DUSP22: variants seen among roughly 807,000 people sequenced by gnomAD.
DUSP22 encodes the protein dual specificity protein phosphatase 22.
In DUSP22, 24 loss-of-function variants were observed where a neutral mutation model predicts 24.5. That is an observed-to-expected ratio of 0.98 (90% CI 0.71 to 1.38). The LOEUF (loss-of-function observed/expected upper bound fraction) is 1.38. Ranked by LOEUF, DUSP22 falls within the 40% of genes most tolerant of loss-of-function variation. The pLI, the probability that DUSP22 is intolerant of heterozygous loss-of-function variation, is 0.00. For missense variants in DUSP22, 330 were observed against 269.2 expected (o/e 1.23, Z -1.58); for synonymous variants, 160 against 106.4 (o/e 1.50, Z -3.10).
At chr6:294,986 G>C (rs572159673) in intron 1 of DUSP22, among the ~76,000 whole-genome samples, 8 of 152,392 alleles carry the variant, frequency 5.2e-5, no homozygotes, top group African/African-American at 1.9e-4. Context: ...AGGTTCATTA[G>C]TGGCAAAGTA....
At position 311,888 on chromosome 6, in the gene DUSP22, G is replaced by A; in HGVS notation, c.64G>A (p.Asp22Asn). 1.2e-6 allele frequency: 2 copies of A among 1,612,094 alleles called. No individual in the cohort carries two copies. The highest frequency in any genetic ancestry group is 1.7e-6 in the Non-Finnish European group (2 of 1,178,804). Residue 22 changes from aspartate (D) to asparagine (N), a missense_variant, in exon 3 of 7, where the codon GAC becomes AAC. Coordinates refer to ENST00000419235, the MANE Select transcript of DUSP22 (RefSeq NM_001286555.3). The stretch of plus-strand genomic sequence containing the variant: ...CCTTTCTTCTCTGACAGATGCCAGA[G>A]ACGCGGAACAATTGAGCAAGAACAA... ...LYIGNFKDAR[D>N]AEQLSKNKVT... is the part of the protein sequence containing the mutation.
In DUSP22 at chr6:350,546, C is replaced by CA; in HGVS notation, c.*1598dup. On this transcript the variant is annotated 3_prime_UTR_variant, in exon 7 of 7. Coordinates refer to ENST00000419235, the MANE Select transcript of DUSP22 (RefSeq NM_001286555.3). ...TGAGCTTTTTGGGGACCGGGAAAAA[C>CA]AAAGTTGCCTGATTCCGCGCAGGTG... 7.4e-7 allele frequency: 1 copy of CA among 1,352,308 alleles called. No individual in the cohort carries two copies. The highest frequency in any genetic ancestry group is 9.5e-7 in the Non-Finnish European group (1 of 1,053,266). 83.8% of individuals were successfully genotyped at this position (1,352,308 alleles called of 1,614,324 possible).
At chr6:342,513 G>A (rs781100775) in intron 4 of DUSP22, among the ~76,000 whole-genome samples, 12 of 152,308 alleles carry the variant, frequency 7.9e-5, no homozygotes, top group Non-Finnish European at 1.5e-4. Context: ...AAACCACCAG[G>A]CAAGTTGCAG....
chr6:339,546 A>ATT (rs11323464), intron 4 of DUSP22, among the ~76,000 whole-genome samples: 11 of 151,570 alleles, frequency 7.3e-5, no homozygotes, highest in Admixed American at 2.6e-4. Context: ...GTAATTACAG[A>ATT]TTTTTTTTTT....
At position 351,169 on chromosome 6, in the gene DUSP22, T is replaced by G; in HGVS notation, c.*2218T>G. On this transcript the variant is annotated 3_prime_UTR_variant, in exon 7 of 7. Coordinates refer to ENST00000419235, the MANE Select transcript of DUSP22 (RefSeq NM_001286555.3). Reference sequence around the variant, plus strand: ...TGGCTTGGCGCTCGTGATTGCTTCCTGTGAACGCCTCCCAAGGACGAGCCC... The same window carrying G: ...TGGCTTGGCGCTCGTGATTGCTTCCGGTGAACGCCTCCCAAGGACGAGCCC... The G allele has an allele frequency of 2.2e-6, 1 of 457,812 alleles. No individual in the cohort carries two copies. Among genetic ancestry groups the G allele is most frequent in the South Asian group, 2.5e-5 (1 of 39,710 alleles). The allele number at this position is 457,812 out of a possible 1,614,324, so 28.4% of individuals were successfully genotyped here.
intron 3 of DUSP22, among the ~76,000 whole-genome samples, chr6:321,851 C>T (rs1758603786): frequency 6.6e-6 from 1 of 152,296 alleles, no homozygotes; most frequent in African/African-American, 2.4e-5. Context: ...GAGGGTACAG[C>T]TAATTAGGCT....
chr6:334,453 T>C (rs1174147891), intron 3 of DUSP22, among the ~76,000 whole-genome samples: 2 of 152,308 alleles, frequency 1.3e-5, no homozygotes, highest in Non-Finnish European at 2.9e-5. Context: ...AGCATGGATT[T>C]ACATAAACCT....
chr6:309,155 G>A (rs1336082377), intron 2 of DUSP22, among the ~76,000 whole-genome samples: 1 of 152,306 alleles, frequency 6.6e-6, no homozygotes, highest in East Asian at 1.9e-4. Flanking sequence ...GAGGGGTTGG[G>A]GGTTGGCAGT....
At position 348,399 on chromosome 6, in the gene DUSP22, C is replaced by T. The variant is rs961441432; in HGVS notation, c.435+125C>T. The T allele has an allele frequency of 7.6e-6, 11 of 1,456,484 alleles. No homozygotes were observed. The South Asian group carries it at 1.5e-4, about 19-fold the overall frequency. 90.2% of individuals were successfully genotyped at this position (1,456,484 alleles called of 1,614,324 possible). ...AAAGGCCCACAGAGGACATCGGCTCCCAGGGCGCCCAGCTGCACCCCTTCA... is the reference window on the plus strand; with the variant it reads ...AAAGGCCCACAGAGGACATCGGCTCTCAGGGCGCCCAGCTGCACCCCTTCA... On this transcript the variant is annotated intron_variant, in intron 6 of 6. Transcript: ENST00000419235.
Position 322,832 on chromosome 6 carries a change from G to GGC in DUSP22, c.138+10871_138+10872insCG, listed in dbSNP as rs1554100356. On this transcript the variant is annotated intron_variant, in intron 3 of 6. Transcript: ENST00000419235. ...TTCCGTGGGTTATGGCTGCTTGGTG[G>GGC]GGCGGGGGGGGGCCTTCGAGTCTGC... Among the ~76,000 whole-genome samples the GGC allele has an allele frequency of 2.9e-5, 4 of 135,744 alleles. No homozygotes were observed. The East Asian group carries it at 6.5e-4, about 22-fold the overall frequency. 89.1% of individuals were successfully genotyped at this position (135,744 alleles called of 152,430 possible). A position where few individuals can be genotyped will look rare whatever the true frequency, so the allele number is the denominator to read the frequency against.
intron 3 of DUSP22, among the ~76,000 whole-genome samples, chr6:315,866 G>T (rs1258818303): frequency 1.3e-5 from 2 of 152,308 alleles, no homozygotes; most frequent in African/African-American, 4.8e-5. Context: ...AGAGCCTTTG[G>T]TGTATGCACA....
At chr6:311,780 T>A in intron 2 of DUSP22, 100 bp from the exon 3 acceptor site, 1 of 1,291,328 alleles carries the variant, frequency 7.7e-7, no homozygotes, top group Non-Finnish European at 1.1e-6. Flanking sequence ...GAAAGAAATA[T>A]GCAAGTCATT....
In DUSP22 at chr6:349,681, GC is replaced by G. The variant is rs1334742451; in HGVS notation, c.*731del. 6.1e-6 allele frequency: 6 copies of G among 986,004 alleles called. No individual in the cohort carries two copies. In the South Asian group the frequency reaches 2.3e-4, roughly 39 times the overall value. 61.1% of individuals were successfully genotyped at this position (986,004 alleles called of 1,614,324 possible). A position where few individuals can be genotyped will look rare whatever the true frequency, so the allele number is the denominator to read the frequency against. On this transcript the variant is annotated 3_prime_UTR_variant, in exon 7 of 7. Coordinates refer to ENST00000419235, the MANE Select transcript of DUSP22 (RefSeq NM_001286555.3). The stretch of plus-strand genomic sequence containing the variant: ...TGGGCCAGCACTTTATACCAACTCA[GC>G]ATTTAAGGGAAGTATCTTAGATTGC...
chr6:333,020 C>G (rs1196465370), intron 3 of DUSP22, among the ~76,000 whole-genome samples: 1 of 152,310 alleles, frequency 6.6e-6, no homozygotes, highest in African/African-American at 2.4e-5. Context: ...TACCAACAAG[C>G]TTGTTTGGCC....
At chr6:311,811 C>G in intron 2 of DUSP22, 69 bp from the exon 3 acceptor site, 2 of 1,168,112 alleles carry the variant, frequency 1.7e-6, no homozygotes, top group Non-Finnish European at 2.3e-6. Context: ...TTTTTTTTTT[C>G]TGGCTAGACT....
intron 2 of DUSP22, among the ~76,000 whole-genome samples, chr6:308,712 C>T (rs1000191986): frequency 2.7e-4 from 41 of 152,298 alleles, no homozygotes; most frequent in Non-Finnish European, 4.0e-4. Context: ...TATATTGTGG[C>T]TATTGTGCAG....
chr6:337,823 C>T (rs957595556), intron 4 of DUSP22, among the ~76,000 whole-genome samples: 1 of 152,304 alleles, frequency 6.6e-6, no homozygotes, highest in Non-Finnish European at 1.5e-5. Context: ...TGAAGAGGTC[C>T]TGTTAAGTTT....
At chr6:323,240 A>ATGTG (rs5873739) in intron 3 of DUSP22, among the ~76,000 whole-genome samples, 33,404 of 144,680 alleles carry the variant, frequency 0.23, 411 homozygotes, top group Middle Eastern at 0.32. Context: ...GCGTGTGTGC[A>ATGTG]TGTGTGTGTG....
At chr6:334,384 C>T (rs537272179) in intron 3 of DUSP22, among the ~76,000 whole-genome samples, 58 of 152,296 alleles carry the variant, frequency 3.8e-4, no homozygotes, top group Admixed American at 1.6e-3. Flanking sequence ...TCAGTCCCTC[C>T]GAAAGAGAAA....
Sources: gnomAD v4.1 joint callset for allele counts (sites outside exome capture counted in the v4.1 genomes callset) on GRCh38, gnomAD v4.1.1 for gene constraint, MANE v1.5 for transcripts, NCBI Gene and HGNC (gene_info 2026-07-23, HGNC 2026-07-21) for gene names.